The following ADGRE3 variants were observed in gnomAD, a reference collection of about 807,000 sequenced individuals.
ADGRE3 encodes the protein adhesion G protein-coupled receptor E3, also known as EGF-like module receptor 3.
Under a neutral mutation model 80.1 loss-of-function variants are expected in ADGRE3, and 88 were observed. The observed-to-expected ratio is 1.10, with a 90% CI of 0.93 to 1.31. ADGRE3 has a LOEUF of 1.31. Among genes scored for constraint, ADGRE3 ranks in the 40% most tolerant of loss-of-function variants. ADGRE3 has a pLI of 0.00. For synonymous variants in ADGRE3, 281 were observed against 294.8 expected (o/e 0.95, Z 0.48); for missense variants, 715 against 776.5 (o/e 0.92, Z 0.94).
At chr19:14,642,863 C>T (rs1011201214) in intron 9 of ADGRE3, among the ~76,000 whole-genome samples, 3 of 152,146 alleles carry the variant, frequency 2.0e-5, no homozygotes, top group East Asian at 3.8e-4. Context: ...TATGTCTCTG[C>T]TATTGTGAAT....
chr19:14,620,548 T>TATATATAATATATATATATATA, intron 15 of ADGRE3, among the ~76,000 whole-genome samples: 1 of 24,982 alleles, frequency 4.0e-5, no homozygotes, highest in Non-Finnish European at 6.2e-5. Flanking sequence ...TATATATATA[T>TATATATAATATATATATATATA]TATATATATA....
chr19:14,655,306 A>T (rs373517416), intron 5 of ADGRE3, 141 bp from the exon 6 acceptor site: 3 of 696,230 alleles, frequency 4.3e-6, no homozygotes. Context: ...ATCATGTCCC[A>T]GCTTTGTGAC....
chr19:14,658,556 A>G lies in ADGRE3; in HGVS notation c.356-6T>C. 1 of 1,554,424 alleles carries G rather than the reference A, an allele frequency of 6.4e-7. No individual in the cohort carries two copies. Among genetic ancestry groups the G allele is most frequent in the Non-Finnish European group, 8.7e-7 (1 of 1,149,360 alleles). Reference sequence around the variant, plus strand: ...TGTCTTTGAGGAGGTGGTGTCTGCAAAAGACATCATGATGGAGTTACTATT... The same window carrying G: ...TGTCTTTGAGGAGGTGGTGTCTGCAGAAGACATCATGATGGAGTTACTATT... On this transcript the variant is annotated splice_polypyrimidine_tract_variant and splice_region_variant and intron_variant, in intron 4 of 15. Transcript: ENST00000253673.
chr19:14,671,670 T>C (rs975427381), intron 1 of ADGRE3, among the ~76,000 whole-genome samples: 1 of 152,268 alleles, frequency 6.6e-6, no homozygotes, highest in Non-Finnish European at 1.5e-5. Context: ...ATGCCAGGTC[T>C]GGTTTGTGAT....
At chr19:14,611,643 G>A in the ADGRE3 span, among the ~76,000 whole-genome samples, 2 of 152,060 alleles carry the variant, frequency 1.3e-5, no homozygotes, top group African/African-American at 4.8e-5. Context: ...ACAGGACAAC[G>A]ATGGACCTAT....
chr19:14,650,638 TCTCTCTCTCTCTCTCTCTCTCTC>T (rs1971573692), intron 7 of ADGRE3, among the ~76,000 whole-genome samples: 5 of 86,520 alleles, frequency 5.8e-5, no homozygotes, highest in Admixed American at 3.3e-4. Context: ...CATCTCTCTC[TCTCTCTCTCTCTCTCTCTCTCTC>T]TCTCTCTCTC....
At chr19:14,641,383 G>C (rs757114551) in intron 10 of ADGRE3, 36 bp downstream of exon 10, 1 of 1,612,828 alleles carries the variant, frequency 6.2e-7, no homozygotes. Flanking sequence ...GTGTACCTTG[G>C]GGCAGAAAGG....
downstream of ADGRE3, among the ~76,000 whole-genome samples, chr19:14,614,714 T>C (rs1390651394): frequency 6.6e-6 from 1 of 151,638 alleles, no homozygotes; most frequent in Non-Finnish European, 1.5e-5. Flanking sequence ...GTAGTTGGGA[T>C]TACAGGTACA....
chr19:14,629,524 G>A (rs919526396), intron 14 of ADGRE3, among the ~76,000 whole-genome samples: 3 of 151,950 alleles, frequency 2.0e-5, no homozygotes, highest in Non-Finnish European at 4.4e-5. Context: ...TGCCCAGTAG[G>A]GTCTGCCTCT....
At chr19:14,657,556 A>C (rs966820397) in intron 5 of ADGRE3, among the ~76,000 whole-genome samples, 10 of 150,402 alleles carry the variant, frequency 6.6e-5, no homozygotes, top group Non-Finnish European at 1.3e-4. Flanking sequence ...ACCTATATCT[A>C]TATATATATA....
intron 7 of ADGRE3, among the ~76,000 whole-genome samples, chr19:14,650,642 T>C (rs1248710806): frequency 1.1e-5 from 1 of 87,308 alleles, no homozygotes; most frequent in African/African-American, 3.4e-5. Context: ...TCTCTCTCTC[T>C]CTCTCTCTCT....
At chr19:14,610,501 T>C in the ADGRE3 span, 22 of 328,890 alleles carry the variant, frequency 6.7e-5, no homozygotes, top group East Asian at 1.5e-3. Flanking sequence ...TGGGAAGTGA[T>C]ACTAGCCCTG....
rs1361618188 is a variant in ADGRE3 at position 14,620,534 on chromosome 19, ATT to A, written c.1921-1065_1921-1064del. Among the ~76,000 whole-genome samples the A allele has an allele frequency of 8.1e-3, 144 of 17,888 alleles. 9 individuals carry two copies. The highest frequency in any genetic ancestry group is 0.057 in the African/African-American group (140 of 2,464). 11.7% of individuals were successfully genotyped at this position (17,888 alleles called of 152,430 possible). On this transcript the variant is annotated intron_variant, in intron 15 of 15. Transcript: ENST00000253673. ...ATTATGACTATATATGAATATATAT[ATT>A]TTATATATATATTATATATATATAT...
chr19:14,607,398 T>A, the ADGRE3 span, among the ~76,000 whole-genome samples: 1 of 151,286 alleles, frequency 6.6e-6, no homozygotes, highest in Non-Finnish European at 1.5e-5. Context: ...AGAGACGGGG[T>A]TTCACCGTGT....
rs1290678064 is a variant in ADGRE3 at position 14,641,630 on chromosome 19, A to G, written c.1051-14T>C. ...GGGATCCTCCTCCTGGGACCGAGAA[A>G]AAAAGTTCACAGTGATGCTTTCCTG... On this transcript the variant is annotated splice_polypyrimidine_tract_variant and intron_variant, in intron 9 of 15. Transcript: ENST00000253673. 5 of 1,613,680 alleles carry G rather than the reference A, an allele frequency of 3.1e-6. No individual in the cohort carries two copies. The highest frequency in any genetic ancestry group is 4.2e-6 in the Non-Finnish European group (5 of 1,179,812).
At chr19:14,647,561 C>T (rs941542511) in intron 7 of ADGRE3, among the ~76,000 whole-genome samples, 196 bp from the exon 8 acceptor site, 1 of 151,574 alleles carries the variant, frequency 6.6e-6, no homozygotes, top group Non-Finnish European at 1.5e-5. Flanking sequence ...GGATTACAGG[C>T]ACTCACCACC....
intron 14 of ADGRE3, among the ~76,000 whole-genome samples, chr19:14,625,973 T>C (rs1970727361): frequency 6.6e-6 from 1 of 152,090 alleles, no homozygotes; most frequent in East Asian, 1.9e-4. Context: ...GGATGGAGTT[T>C]CAGTTTGGGA....
At chr19:14,636,213 CT>C (rs1971081031) in intron 11 of ADGRE3, among the ~76,000 whole-genome samples, 1 of 112,304 alleles carries the variant, frequency 8.9e-6, no homozygotes, top group Non-Finnish European at 1.9e-5. Context: ...CTTTTCTTTT[CT>C]TTTTTCTTTC....
At chr19:14,646,659 T>TC (rs1971408987) in intron 8 of ADGRE3, among the ~76,000 whole-genome samples, 6 of 85,362 alleles carry the variant, frequency 7.0e-5, no homozygotes, top group East Asian at 3.8e-4. Context: ...CTCTCTCTCT[T>TC]CCTCCCTCCC....
Sources: allele counts gnomAD v4.1 joint callset (sites outside exome capture counted in the v4.1 genomes callset), GRCh38; gene constraint gnomAD v4.1.1; transcripts MANE v1.5; gene names NCBI Gene and HGNC (gene_info 2026-07-23, HGNC 2026-07-21).